The following LTBP1 variants were observed in gnomAD, a reference collection of about 807,000 sequenced individuals.
LTBP1 encodes the protein latent-transforming growth factor beta-binding protein 1.
Under a neutral mutation model 207.6 loss-of-function variants are expected in LTBP1, and 129 were observed. The observed-to-expected ratio is 0.62, with a 90% confidence interval of 0.54 to 0.72. The LOEUF (loss-of-function observed/expected upper bound fraction) is 0.72, where lower values mean the gene tolerates loss of function less well. LTBP1 is among the 30% of genes least tolerant of loss of function. LTBP1 has a pLI of 0.00. For missense variants in LTBP1, 2,281 were observed against 2,217.2 expected (o/e 1.03, Z -0.58); for synonymous variants, 963 against 833.7 (o/e 1.16, Z -2.67).
chr2:33,215,155 A>G (rs1454378), intron 7 of LTBP1, among the ~76,000 whole-genome samples: 63,619 of 151,890 alleles, frequency 0.42, 14,198 homozygotes, highest in Non-Finnish European at 0.5. Context: ...TAATAATAAT[A>G]ATGATAATGG....
chr2:33,209,979 G>A (rs539185421), intron 7 of LTBP1, among the ~76,000 whole-genome samples: 1 of 152,352 alleles, frequency 6.6e-6, no homozygotes, highest in Admixed American at 6.5e-5. Context: ...AGTCATGGAG[G>A]TGGTAATTGG....
intron 3 of LTBP1, among the ~76,000 whole-genome samples, chr2:33,030,928 T>A (rs1188201998): frequency 6.6e-6 from 1 of 152,224 alleles, no homozygotes; most frequent in African/African-American, 2.4e-5. Context: ...AAGTCCTTCA[T>A]ATTTTTTATG....
chr2:33,345,608 A>G (rs898583443), intron 25 of LTBP1, among the ~76,000 whole-genome samples: 1 of 152,210 alleles, frequency 6.6e-6, no homozygotes, highest in African/African-American at 2.4e-5. Flanking sequence ...ATGTTATGGT[A>G]TTTTTCACAA....
chr2:33,280,832 GC>G (rs1461765986), intron 19 of LTBP1, among the ~76,000 whole-genome samples: 10 of 152,100 alleles, frequency 6.6e-5, no homozygotes, highest in African/African-American at 2.2e-4. Context: ...ACTTTGGAAG[GC>G]CGAGGCACGA....
At chr2:33,339,277 A>G (rs181587729) in intron 24 of LTBP1, among the ~76,000 whole-genome samples, 92 of 152,312 alleles carry the variant, frequency 6.0e-4, no homozygotes, top group East Asian at 2.9e-3. Context: ...AATATATCCA[A>G]TAGGTATTAG....
intron 2 of LTBP1, among the ~76,000 whole-genome samples, chr2:32,997,487 G>C (rs1685463324): frequency 6.6e-6 from 1 of 152,162 alleles, no homozygotes; most frequent in African/African-American, 2.4e-5. Flanking sequence ...CTGGCCAACA[G>C]AGTGAGACCC....
chr2:33,228,223 T>C (rs1451450464), intron 9 of LTBP1, among the ~76,000 whole-genome samples: 6 of 152,198 alleles, frequency 3.9e-5, no homozygotes, highest in Admixed American at 3.9e-4. Context: ...AGTCATAAAC[T>C]TATAAAGAGG....
chr2:33,247,211 G>A (rs1016355542), intron 10 of LTBP1, among the ~76,000 whole-genome samples: 2 of 152,208 alleles, frequency 1.3e-5, no homozygotes, highest in African/African-American at 4.8e-5. Context: ...AGGAACTTCT[G>A]CCGTAGTCCT....
At chr2:33,011,122 T>A (rs1399719630) in intron 2 of LTBP1, among the ~76,000 whole-genome samples, 1 of 152,152 alleles carries the variant, frequency 6.6e-6, no homozygotes, top group East Asian at 1.9e-4. Flanking sequence ...TTCCCTAGAT[T>A]AGGAATGACA....
chr2:33,284,964 C>T (rs1457443811), intron 19 of LTBP1, among the ~76,000 whole-genome samples: 1 of 151,956 alleles, frequency 6.6e-6, no homozygotes, highest in African/African-American at 2.4e-5. Context: ...CTCCTCTATA[C>T]TGCTCTTGTC....
chr2:32,961,103 A>T lies in LTBP1; in HGVS notation c.565+12158A>T, dbSNP rs374673280. On this transcript the variant is annotated intron_variant, in intron 2 of 33. Transcript: ENST00000404816. ...GAAAAATATCTTACGTAGAAAATTC[A>T]TTAGATCACTTTGATTGCTATTTTT... Among the ~76,000 whole-genome samples the T allele has an allele frequency of 1.2e-4, 18 of 152,348 alleles. No homozygotes were observed. In the East Asian group the frequency reaches 3.3e-3, roughly 28 times the overall value.
chr2:33,273,583 A>T (rs1375753345), intron 15 of LTBP1, 73 bp from the exon 16 acceptor site: 1 of 1,266,990 alleles, frequency 7.9e-7, no homozygotes, highest in African/African-American at 1.5e-5. Context: ...AACTCAAAGT[A>T]ATACTTTGAG....
intron 32 of LTBP1, among the ~76,000 whole-genome samples, chr2:33,393,366 T>C (rs185223075): frequency 5.9e-5 from 9 of 151,744 alleles, no homozygotes; most frequent in Non-Finnish European, 4.4e-5. Context: ...TATGTATACA[T>C]GTGTCATGTC....
chr2:33,257,212 CATG>C, intron 11 of LTBP1, 69 bp from the exon 12 acceptor site: 2 of 1,113,260 alleles, frequency 1.8e-6, no homozygotes, highest in Middle Eastern at 2.0e-4. Context: ...AGCTATTCAT[CATG>C]ATATTTTCCT....
intron 31 of LTBP1, among the ~76,000 whole-genome samples, chr2:33,369,546 A>T (rs992981439): frequency 2.7e-5 from 4 of 147,844 alleles, no homozygotes; most frequent in African/African-American, 1.0e-4. Flanking sequence ...GGAATTAGGG[A>T]GGTAGCCCCA....
chr2:33,314,812 C>T (rs1320195538), intron 23 of LTBP1, among the ~76,000 whole-genome samples: 4 of 152,170 alleles, frequency 2.6e-5, no homozygotes, highest in Non-Finnish European at 5.9e-5. Flanking sequence ...AGAAGGACAG[C>T]ATTCTCACCA....
intron 5 of LTBP1, among the ~76,000 whole-genome samples, chr2:33,155,167 T>C (rs2083865192): frequency 6.6e-6 from 1 of 152,178 alleles, no homozygotes; most frequent in Non-Finnish European, 1.5e-5. Context: ...TCATTATTAT[T>C]ATTATTTTGA....
chr2:33,074,112 A>C (rs1445006221), intron 3 of LTBP1, among the ~76,000 whole-genome samples: 1 of 152,236 alleles, frequency 6.6e-6, no homozygotes, highest in Non-Finnish European at 1.5e-5. Context: ...GATCGTCCGA[A>C]ACTGTATAAT....
At chr2:33,196,303 TAGAA>T (rs74613472) in intron 7 of LTBP1, among the ~76,000 whole-genome samples, 31,677 of 151,966 alleles carry the variant, frequency 0.21, 3,942 homozygotes, top group East Asian at 0.58. Flanking sequence ...GAAAATATTT[TAGAA>T]AGAAGGGGGA....
Sources: allele counts gnomAD v4.1 joint callset (sites outside exome capture counted in the v4.1 genomes callset), GRCh38; gene constraint gnomAD v4.1.1; transcripts MANE v1.5; gene names NCBI Gene and HGNC (gene_info 2026-07-23, HGNC 2026-07-21).